NAV2: variants seen among roughly 807,000 people sequenced by gnomAD.
NAV2 encodes neuron navigator 2, also known as helicase, APC down-regulated 1.
In NAV2, 54 loss-of-function variants were observed where a neutral mutation model predicts 223.2. The observed-to-expected ratio is 0.24, with a 90% CI of 0.19 to 0.30. The LOEUF (loss-of-function observed/expected upper bound fraction) is 0.30, where lower values mean the gene tolerates loss of function less well. Among genes scored for constraint, NAV2 ranks in the 10% least tolerant of loss-of-function variants. The pLI, the probability that NAV2 is intolerant of heterozygous loss-of-function variation, is 1.00. For synonymous variants in NAV2, 1,279 were observed against 1,239.3 expected (o/e 1.03, Z -0.67); for missense variants, 2,806 against 3,147.5 (o/e 0.89, Z 2.60).
intron 1 of NAV2, among the ~76,000 whole-genome samples, chr11:19,578,367 G>A (rs567637807): frequency 6.6e-6 from 1 of 152,236 alleles, no homozygotes; most frequent in African/African-American, 2.4e-5. Context: ...ACAGTCAGAG[G>A]TTAAGCCAGG....
chr11:19,707,385 T>C (rs1047205392), intron 1 of NAV2, among the ~76,000 whole-genome samples: 1 of 152,202 alleles, frequency 6.6e-6, no homozygotes, highest in Admixed American at 6.5e-5. Context: ...TATAAGCTTT[T>C]TTCTATTAGT....
intron 1 of NAV2, among the ~76,000 whole-genome samples, chr11:19,456,104 C>T (rs952352890): frequency 1.3e-5 from 2 of 152,212 alleles, no homozygotes; most frequent in Non-Finnish European, 1.5e-5. Context: ...ACCTGGATTG[C>T]TCCCACCAGC....
intron 1 of NAV2, among the ~76,000 whole-genome samples, chr11:19,401,613 T>C (rs944455526): frequency 6.6e-6 from 1 of 152,100 alleles, no homozygotes; most frequent in African/African-American, 2.4e-5. Context: ...GAAGAAAGGG[T>C]AATCCAGAAG....
intron 1 of NAV2, among the ~76,000 whole-genome samples, chr11:19,374,309 GTTTTTTTTTTTTT>G (rs10533713): frequency 8.0e-6 from 1 of 124,594 alleles, no homozygotes; most frequent in Non-Finnish European, 1.6e-5. Flanking sequence ...TTCCGAAAAG[GTTTTTTTTTTTTT>G]TTTTTTTTTT....
At chr11:20,099,256 G>A (rs1198117227) in intron 31 of NAV2, among the ~76,000 whole-genome samples, 1 of 152,190 alleles carries the variant, frequency 6.6e-6, no homozygotes, top group Non-Finnish European at 1.5e-5. Context: ...AAGCAGGAAG[G>A]AGTATCAGAC....
intron 1 of NAV2, among the ~76,000 whole-genome samples, chr11:19,553,092 G>A (rs1447880074): frequency 6.6e-6 from 1 of 152,224 alleles, no homozygotes; most frequent in Admixed American, 6.5e-5. Context: ...GCAGGAAAAT[G>A]TCCCTTGGTG....
At chr11:19,685,646 G>A (rs1469925196) in intron 1 of NAV2, among the ~76,000 whole-genome samples, 2 of 152,212 alleles carry the variant, frequency 1.3e-5, no homozygotes, top group Admixed American at 6.5e-5. Flanking sequence ...ACAGCCGTAT[G>A]ATGATTGCAA....
At chr11:19,639,648 C>T (rs989382473) in intron 1 of NAV2, among the ~76,000 whole-genome samples, 12 of 152,132 alleles carry the variant, frequency 7.9e-5, no homozygotes, top group African/African-American at 1.9e-4. Context: ...ACCCCATTGC[C>T]GATAGGGCTG....
intron 1 of NAV2, among the ~76,000 whole-genome samples, chr11:19,535,552 C>G (rs1291834724): frequency 1.3e-5 from 2 of 152,236 alleles, no homozygotes. Context: ...ATTATTTGAG[C>G]ATTCCTTAAA....
intron 1 of NAV2, among the ~76,000 whole-genome samples, chr11:19,381,131 C>T (rs565544382): frequency 6.6e-6 from 1 of 152,142 alleles, no homozygotes; most frequent in African/African-American, 2.4e-5. Context: ...TGACATTCAG[C>T]CAGGCATCAC....
intron 1 of NAV2, among the ~76,000 whole-genome samples, chr11:19,449,570 T>A (rs1851713739): frequency 1.4e-5 from 2 of 140,762 alleles, no homozygotes; most frequent in African/African-American, 5.2e-5. Context: ...GGCCCCCACC[T>A]TGCACCTGAC....
At chr11:19,601,366 C>T (rs1018732538) in intron 1 of NAV2, among the ~76,000 whole-genome samples, 2 of 152,190 alleles carry the variant, frequency 1.3e-5, no homozygotes, top group African/African-American at 2.4e-5. Flanking sequence ...TTTCTCCTTC[C>T]CTTGCCTCCG....
intron 1 of NAV2, among the ~76,000 whole-genome samples, chr11:19,574,619 C>T (rs1055405263): frequency 7.9e-5 from 12 of 152,162 alleles, no homozygotes; most frequent in Non-Finnish European, 1.5e-4. Flanking sequence ...TTCCTTCCAT[C>T]CCGTTTATTT....
At chr11:19,747,908 C>T (rs576888022) in intron 1 of NAV2, among the ~76,000 whole-genome samples, 59 of 152,298 alleles carry the variant, frequency 3.9e-4, no homozygotes, top group African/African-American at 1.4e-3. Flanking sequence ...GAAGACTTGG[C>T]CAGGCTGCTA....
chr11:20,111,110 G>A (rs1318337871), intron 36 of NAV2, among the ~76,000 whole-genome samples: 2 of 152,220 alleles, frequency 1.3e-5, no homozygotes, highest in African/African-American at 4.8e-5. Context: ...AAGTGCAGAT[G>A]CACTTGTGGA....
chr11:19,461,168 C>T (rs1852143918), intron 1 of NAV2, among the ~76,000 whole-genome samples: 1 of 152,082 alleles, frequency 6.6e-6, no homozygotes, highest in South Asian at 2.1e-4. Flanking sequence ...TGAGTAAATG[C>T]CACGGGAAAG....
intron 10 of NAV2, among the ~76,000 whole-genome samples, chr11:19,965,452 G>A (rs1348823579): frequency 1.3e-5 from 2 of 151,924 alleles, no homozygotes; most frequent in South Asian, 2.1e-4. Flanking sequence ...TTCATGGAAC[G>A]CCAGTCACTG....
At chr11:19,940,667 T>C (rs2046331924) in intron 8 of NAV2, among the ~76,000 whole-genome samples, 1 of 152,244 alleles carries the variant, frequency 6.6e-6, no homozygotes, top group Non-Finnish European at 1.5e-5. Flanking sequence ...AGCATTTTAA[T>C]AGCCACATTA....
chr11:19,439,176 T>C (rs927807288), intron 1 of NAV2, among the ~76,000 whole-genome samples: 1 of 152,132 alleles, frequency 6.6e-6, no homozygotes, highest in Admixed American at 6.5e-5. Flanking sequence ...CTCCTATGGC[T>C]CGGGAAGTTC....
Sources: gnomAD v4.1 joint callset for allele counts (sites outside exome capture counted in the v4.1 genomes callset) on GRCh38, gnomAD v4.1.1 for gene constraint, MANE v1.5 for transcripts, NCBI Gene and HGNC (gene_info 2026-07-23, HGNC 2026-07-21) for gene names.